IL1RN: variants seen among roughly 807,000 people sequenced by gnomAD.
IL1RN encodes interleukin 1 receptor antagonist, also known as interleukin-1 receptor antagonist protein.
In IL1RN, 10 loss-of-function variants were observed where a neutral mutation model predicts 13.7. The ratio of observed to expected loss-of-function variants is 0.73; its 90% CI spans 0.45 to 1.24. The LOEUF is 1.24. IL1RN is among the 50% of genes most tolerant of loss of function. IL1RN has a pLI of 0.00. For synonymous variants in IL1RN, 102 were observed against 82.7 expected (o/e 1.23, Z -1.27); for missense variants, 213 against 222.1 (o/e 0.96, Z 0.26).
intron 1 of IL1RN, 113 bp from the exon 2 acceptor site, chr2:113,129,463 C>T (rs56236437): frequency 3.9e-5 from 30 of 773,674 alleles, no homozygotes; most frequent in Non-Finnish European, 6.2e-5. Flanking sequence ...ATACTATACC[C>T]CTGGAAGAGC....
chr2:113,105,280 G>A (rs2104418128), upstream of IL1RN, among the ~76,000 whole-genome samples: 1 of 152,302 alleles, frequency 6.6e-6, no homozygotes, highest in East Asian at 1.9e-4. Flanking sequence ...GCTAATGACT[G>A]AAGATTCTGT....
upstream of IL1RN, among the ~76,000 whole-genome samples, chr2:113,114,367 GT>G (rs1686552396): frequency 6.6e-6 from 1 of 150,534 alleles, no homozygotes; most frequent in South Asian, 2.1e-4. Flanking sequence ...TCTAGTCCCA[GT>G]TTCTTATTCC....
intron 3 of IL1RN, among the ~76,000 whole-genome samples, chr2:113,131,722 A>G (rs994116858): frequency 1.3e-5 from 2 of 152,014 alleles, no homozygotes; most frequent in Non-Finnish European, 2.9e-5. Flanking sequence ...TTTCTCTTCC[A>G]ATCCTTATTG....
chr2:113,109,148 C>T (rs908014771), upstream of IL1RN, among the ~76,000 whole-genome samples: 6 of 152,074 alleles, frequency 3.9e-5, no homozygotes. Flanking sequence ...AAAATTAAGT[C>T]ATGCCCGTAA....
chr2:113,127,876 G>A, intron 1 of IL1RN, 136 bp downstream of exon 1: 2 of 813,188 alleles, frequency 2.5e-6, no homozygotes, highest in South Asian at 2.9e-5. Flanking sequence ...CATTATTCAA[G>A]AAAGAGGCTG....
At chr2:113,112,356 A>G (rs1686515502) in intron 1 of IL1RN, among the ~76,000 whole-genome samples, 2 of 152,158 alleles carry the variant, frequency 1.3e-5, no homozygotes, top group African/African-American at 4.8e-5. Flanking sequence ...TCCTCCAAAA[A>G]GTATACAATG....
intron 1 of IL1RN, among the ~76,000 whole-genome samples, chr2:113,112,455 C>T (rs558069615): frequency 2.0e-5 from 3 of 152,158 alleles, no homozygotes; most frequent in Non-Finnish European, 4.4e-5. Context: ...CTGGAGTCCC[C>T]AACTCTGCCC....
At chr2:113,129,767 C>A in intron 2 of IL1RN, 103 bp downstream of exon 2, 1 of 809,214 alleles carries the variant, frequency 1.2e-6, no homozygotes, top group South Asian at 1.4e-5. Flanking sequence ...GTGCAATGTC[C>A]TAATCCTTGT....
chr2:113,100,633 C>T, the IL1RN span, among the ~76,000 whole-genome samples: 4 of 152,290 alleles, frequency 2.6e-5, no homozygotes, highest in South Asian at 2.1e-4. Flanking sequence ...AACTGAGGCT[C>T]GGAGAGGTTA....
Position 113,132,925 on chromosome 2 carries a change from G to C in IL1RN, c.*54G>C. ...TTGCATGGCAAGGACTGCAGGGACTGCCAGTCCCCCTGCCCCAGGGCTCCC... is the reference window on the plus strand; with the variant it reads ...TTGCATGGCAAGGACTGCAGGGACTCCCAGTCCCCCTGCCCCAGGGCTCCC... On this transcript the variant is annotated 3_prime_UTR_variant, in exon 4 of 4. Transcript: ENST00000409930. 1 of 1,546,844 alleles carries C rather than the reference G, an allele frequency of 6.5e-7. No individual in the cohort carries two copies. The highest frequency in any genetic ancestry group is 8.9e-7 in the Non-Finnish European group (1 of 1,119,138).
chr2:113,120,233 TA>T, intron 2 of IL1RN: 1 of 857,866 alleles, frequency 1.2e-6, no homozygotes, highest in Non-Finnish European at 2.0e-6. Context: ...ATGGTTTAAT[TA>T]AAAATTAATC....
rs896108277 is a variant in IL1RN, at chr2:113,130,459, G to C, written c.206-586G>C. Among the ~76,000 whole-genome samples, 11 of 152,330 alleles carry C rather than the reference G, an allele frequency of 7.2e-5. No homozygotes were observed. In the South Asian group the frequency reaches 8.3e-4, roughly 11 times the overall value. ...GTTCAGAGACTCCTAGGCTCCTGTG[G>C]AGCCCCACTCATGGCCTTGTTCATT... On this transcript the variant is annotated intron_variant, in intron 2 of 3. Coordinates refer to ENST00000409930, the MANE Select transcript of IL1RN (RefSeq NM_173842.3).
chr2:113,123,044 G>A (rs1226438044), upstream of IL1RN, among the ~76,000 whole-genome samples: 2 of 152,192 alleles, frequency 1.3e-5, no homozygotes, highest in Non-Finnish European at 2.9e-5. Context: ...GGAATTGCTT[G>A]AACCTGGGAG....
the IL1RN span, among the ~76,000 whole-genome samples, chr2:113,101,510 A>T: frequency 6.6e-6 from 1 of 152,198 alleles, no homozygotes; most frequent in East Asian, 1.9e-4. Context: ...AAGAAAGGCC[A>T]TTTTTACATT....
chr2:113,117,040 A>G (rs1686610649), upstream of IL1RN, among the ~76,000 whole-genome samples: 2 of 152,202 alleles, frequency 1.3e-5, no homozygotes, highest in South Asian at 2.1e-4. Context: ...ATCAACTTGG[A>G]TGGCTTTAAG....
At position 113,119,968 on chromosome 2, in the gene IL1RN, C is replaced by A. The variant is rs4251987; in HGVS notation, c.11-98C>A. On this transcript the variant is annotated intron_variant, in intron 1 of 5. Coordinates refer to the IL1RN transcript ENST00000259206. ...CAGAGGGTAAAGGATAGAGATGGAA[C>A]CATGTGCATACACTTTGTGTTACCT... 6.6e-4 allele frequency: 606 copies of A among 911,996 alleles called. 1 individual carries two copies. In the African/African-American group the frequency reaches 8.7e-3, roughly 13 times the overall value. The allele number at this position is 911,996 out of a possible 1,614,324, so 56.5% of individuals were successfully genotyped here.
the IL1RN span, among the ~76,000 whole-genome samples, chr2:113,100,194 C>T: frequency 4.0e-5 from 6 of 151,176 alleles, no homozygotes; most frequent in South Asian, 2.1e-4. Context: ...GGCGTGGTGG[C>T]GGGCGCCTGT....
At chr2:113,123,129 A>T (rs555555075), upstream of IL1RN, among the ~76,000 whole-genome samples, 3 of 152,346 alleles carry the variant, frequency 2.0e-5, no homozygotes, top group African/African-American at 7.2e-5. Flanking sequence ...CCATCTCAAA[A>T]AAATAAATAA....
In IL1RN at chr2:113,120,025, C is replaced by T. The variant is rs751206301; in HGVS notation, c.11-41C>T. On this transcript the variant is annotated intron_variant, in intron 1 of 5. Transcript: ENST00000259206. Reference sequence around the variant, plus strand: ...AGTCATTCATTTCTCTGGACCTCTGCTTTCTCTCTACACAATGGGGTCCCA... The same window carrying T: ...AGTCATTCATTTCTCTGGACCTCTGTTTTCTCTCTACACAATGGGGTCCCA... 12 of 1,525,942 alleles carry T rather than the reference C, an allele frequency of 7.9e-6. No individual in the cohort carries two copies. In the African/African-American group the frequency reaches 1.7e-4, roughly 21 times the overall value. The allele number at this position is 1,525,942 out of a possible 1,614,324, so 94.5% of individuals were successfully genotyped here.
Sources: gnomAD v4.1 joint callset for allele counts (sites outside exome capture counted in the v4.1 genomes callset) on GRCh38, gnomAD v4.1.1 for gene constraint, MANE v1.5 for transcripts, NCBI Gene and HGNC (gene_info 2026-07-23, HGNC 2026-07-21) for gene names.